TRAP1: variants seen among roughly 807,000 people sequenced by gnomAD.
TRAP1 encodes heat shock protein 75 kDa, mitochondrial.
TRAP1 carries 102 observed loss-of-function variants against 89.1 expected under a neutral mutation model. That is an observed-to-expected ratio of 1.15 (90% CI 0.98 to 1.35). The LOEUF is 1.35. TRAP1 is among the 40% of genes most tolerant of loss of function. The probability of loss-of-function intolerance (pLI) is 0.00; values close to 1 mark genes in which losing one functional copy is unlikely to be tolerated. For synonymous variants in TRAP1, 508 were observed against 388.0 expected (o/e 1.31, Z -3.64); for missense variants, 1,256 against 945.3 (o/e 1.33, Z -4.31).
At chr16:3,710,165 A>T (rs1410083428) in intron 1 of TRAP1, among the ~76,000 whole-genome samples, 3 of 152,206 alleles carry the variant, frequency 2.0e-5, no homozygotes, top group African/African-American at 4.8e-5. Context: ...CAAAAAGCGA[A>T]AGGGCACCTC....
intron 1 of TRAP1, among the ~76,000 whole-genome samples, chr16:3,693,568 G>GGTTGGGC (rs2051245659): frequency 6.6e-6 from 1 of 152,174 alleles, no homozygotes; most frequent in Non-Finnish European, 1.5e-5. Context: ...TGCCCACAGA[G>GGTTGGGC]CATATCAGTG....
intron 12 of TRAP1, chr16:3,664,886 A>T (rs2050793130): frequency 6.0e-6 from 1 of 165,494 alleles, no homozygotes; most frequent in African/African-American, 2.4e-5. Context: ...GGCTTTGCCC[A>T]GTGGGTTTCA....
intron 12 of TRAP1, among the ~76,000 whole-genome samples, 171 bp downstream of exon 12, chr16:3,665,800 G>A (rs1316435535): frequency 6.6e-6 from 1 of 152,202 alleles, no homozygotes; most frequent in Non-Finnish European, 1.5e-5. Flanking sequence ...CCTGGAAGGT[G>A]CCAGAGGCCC....
At chr16:3,694,183 G>C (rs1409167118) in intron 1 of TRAP1, among the ~76,000 whole-genome samples, 2 of 151,934 alleles carry the variant, frequency 1.3e-5, no homozygotes, top group Non-Finnish European at 2.9e-5. Flanking sequence ...CTCTATGTGA[G>C]TCCTGGCTGT....
chr16:3,683,354 G>A (rs1232128249), intron 4 of TRAP1, among the ~76,000 whole-genome samples: 4 of 151,618 alleles, frequency 2.6e-5, no homozygotes, highest in Non-Finnish European at 4.4e-5. Context: ...CATACCGGTT[G>A]ATTAACTGTA....
chr16:3,668,763 G>A (rs1237305277), intron 11 of TRAP1, among the ~76,000 whole-genome samples: 2 of 152,176 alleles, frequency 1.3e-5, no homozygotes, highest in African/African-American at 4.8e-5. Context: ...TACTGAGCAG[G>A]ACCACCCCTC....
intron 1 of TRAP1, among the ~76,000 whole-genome samples, chr16:3,713,040 C>G (rs1439731886): frequency 1.3e-5 from 2 of 152,230 alleles, no homozygotes; most frequent in African/African-American, 4.8e-5. Context: ...GCCAGCACCA[C>G]AGCTTAATCA....
chr16:3,697,260 T>A (rs765444464), intron 1 of TRAP1, among the ~76,000 whole-genome samples: 5 of 152,246 alleles, frequency 3.3e-5, no homozygotes, highest in Non-Finnish European at 7.3e-5. Context: ...CCCGTATTTT[T>A]AAATATTTCC....
At chr16:3,699,295 T>G (rs1254129504) in intron 1 of TRAP1, among the ~76,000 whole-genome samples, 1 of 152,162 alleles carries the variant, frequency 6.6e-6, no homozygotes, top group Non-Finnish European at 1.5e-5. Context: ...CACAATAATC[T>G]CTTCCTATGA....
chr16:3,715,723 G>A (rs922781690), intron 1 of TRAP1, among the ~76,000 whole-genome samples: 1 of 152,148 alleles, frequency 6.6e-6, no homozygotes, highest in African/African-American at 2.4e-5. Flanking sequence ...AAGGCAGGCA[G>A]ATCACTTGAG....
intron 1 of TRAP1, among the ~76,000 whole-genome samples, chr16:3,712,986 G>A (rs1188761839): frequency 1.3e-5 from 2 of 152,140 alleles, no homozygotes; most frequent in Non-Finnish European, 2.9e-5. Flanking sequence ...GGTCCTCCTG[G>A]TGGCCTTGGA....
At chr16:3,660,376 C>T (rs1031385122) in intron 16 of TRAP1, 5 of 152,272 alleles carry the variant, frequency 3.3e-5, no homozygotes, top group African/African-American at 1.2e-4. Flanking sequence ...GTGGCTCTCG[C>T]CTGTAATCCC....
intron 1 of TRAP1, among the ~76,000 whole-genome samples, chr16:3,709,488 C>A (rs955194325): frequency 2.0e-5 from 3 of 152,156 alleles, no homozygotes; most frequent in Non-Finnish European, 4.4e-5. Flanking sequence ...TCAGCAACAA[C>A]CTAAATGTCC....
chr16:3,662,624 A>G (rs1345585335), intron 15 of TRAP1: 1 of 661,986 alleles, frequency 1.5e-6, no homozygotes, highest in African/African-American at 1.8e-5. Flanking sequence ...TGCAGCTCCC[A>G]CTCAGGATGC....
chr16:3,666,204 G>A lies in TRAP1; in HGVS notation c.1236-86C>T, dbSNP rs562673532. 114 of 1,468,644 alleles carry A rather than the reference G, an allele frequency of 7.8e-5. No homozygotes were observed. In the South Asian group the frequency reaches 1.0e-3, roughly 13 times the overall value. The allele number at this position is 1,468,644 out of a possible 1,614,324, so 91.0% of individuals were successfully genotyped here. A position where few individuals can be genotyped will look rare whatever the true frequency, so the allele number is the denominator to read the frequency against. On this transcript the variant is annotated intron_variant, in intron 11 of 17. Transcript: ENST00000246957. ...AGGGTACGAAAAAATGTTCAGCCCC[G>A]CTAAGAATCAAAGAAGTGAAAACAA... is the stretch of plus-strand genomic sequence containing the variant.
intron 16 of TRAP1, chr16:3,659,522 G>A (rs17183750): frequency 0.13 from 19,385 of 152,160 alleles, 1,604 homozygotes; most frequent in East Asian, 0.18. Flanking sequence ...TTTGACGTCA[G>A]AACAATATTT....
chr16:3,698,558 T>G (rs1376896843), intron 1 of TRAP1, among the ~76,000 whole-genome samples: 3 of 151,850 alleles, frequency 2.0e-5, no homozygotes, highest in African/African-American at 7.2e-5. Context: ...CGCCTCAGCC[T>G]CCCAAAGTGC....
At position 3,679,809 on chromosome 16, in the gene TRAP1, T is replaced by G; in HGVS notation, c.472-19A>C. The G allele has an allele frequency of 6.2e-7, 1 of 1,613,556 alleles. No homozygotes were observed. Among genetic ancestry groups the G allele is most frequent in the Non-Finnish European group, 8.5e-7 (1 of 1,179,728 alleles). ...CAGTATCCTGAGGAGAGAGACGCAC[T>G]AAGTGCCAAGCCCCCAGCACCTGGG... On this transcript the variant is annotated intron_variant, in intron 4 of 17. Transcript: ENST00000246957.
intron 4 of TRAP1, among the ~76,000 whole-genome samples, chr16:3,682,482 C>T (rs528845143): frequency 1.1e-4 from 17 of 152,140 alleles, no homozygotes; most frequent in African/African-American, 3.4e-4. Flanking sequence ...TTCCGCCTCC[C>T]GAGTTCAAGC....
Sources: allele counts gnomAD v4.1 joint callset (sites outside exome capture counted in the v4.1 genomes callset), GRCh38; gene constraint gnomAD v4.1.1; transcripts MANE v1.5; gene names NCBI Gene and HGNC (gene_info 2026-07-23, HGNC 2026-07-21).